The following VPS50 variants were observed in gnomAD, a reference collection of about 807,000 sequenced individuals.
VPS50 encodes the protein syndetin.
A neutral mutation model predicts 139.7 loss-of-function variants in VPS50; 70 were observed. The observed-to-expected ratio is 0.50, with a 90% CI of 0.41 to 0.61. VPS50 has a LOEUF of 0.61. VPS50 is among the 20% of genes least tolerant of loss of function. VPS50 has a pLI of 0.00. For synonymous variants in VPS50, 365 were observed against 376.7 expected, an observed-to-expected ratio of 0.97 and a Z score of 0.36; for missense variants, 921 against 1,133.7, an observed-to-expected ratio of 0.81 and a Z score of 2.69.
intron 12 of VPS50, among the ~76,000 whole-genome samples, chr7:93,287,031 T>A (rs1448033112): frequency 1.3e-5 from 2 of 151,436 alleles, no homozygotes; most frequent in Non-Finnish European, 2.9e-5. Context: ...TACCCCACCT[T>A]GCCTTTTTTC....
In VPS50 at chr7:93,359,361, T is replaced by C. The variant is rs887618550; in HGVS notation, c.*925T>C. 2 of 152,152 alleles carry C rather than the reference T, an allele frequency of 1.3e-5. No individual in the cohort carries two copies. The highest frequency in any genetic ancestry group is 4.8e-5 in the African/African-American group (2 of 41,438). The allele number at this position is 152,152 out of a possible 1,614,324, so 9.4% of individuals were successfully genotyped here. A position where few individuals can be genotyped will look rare whatever the true frequency, so the allele number is the denominator to read the frequency against. On this transcript the variant is annotated 3_prime_UTR_variant, in exon 28 of 28. Transcript: ENST00000305866. ...AAATGTACGGTCATATGTTCACTCT[T>C]CTTAAATATCCACCTTTTATAACAC...
chr7:93,253,750 C>T (rs1210503370), intron 3 of VPS50, 110 bp from the exon 4 acceptor site: 1 of 595,674 alleles, frequency 1.7e-6, no homozygotes, highest in South Asian at 2.5e-5. Flanking sequence ...TGGGATGTGA[C>T]ACTGTTTTGT....
In VPS50 at chr7:93,276,851, G is replaced by T. The variant is rs546526737; in HGVS notation, c.942+546G>T. On this transcript the variant is annotated intron_variant, in intron 12 of 27. Transcript: ENST00000305866. ...GAGGAAAAGAGAATGATGAATAATT[G>T]GGAGAATGGTAGTGCCATTTGCTTT... 2.6e-5 allele frequency among the ~76,000 whole-genome samples: 4 copies of T among 152,276 alleles called. No homozygotes were observed. The East Asian group carries it at 7.7e-4, about 29-fold the overall frequency.
intron 12 of VPS50, among the ~76,000 whole-genome samples, chr7:93,287,336 T>G (rs1481810404): frequency 6.6e-6 from 1 of 152,052 alleles, no homozygotes; most frequent in Non-Finnish European, 1.5e-5. Flanking sequence ...GAAAAAAAGA[T>G]TCACATAAAC....
chr7:93,253,476 G>C (rs550404838), intron 3 of VPS50, among the ~76,000 whole-genome samples: 3 of 152,176 alleles, frequency 2.0e-5, no homozygotes, highest in Non-Finnish European at 4.4e-5. Flanking sequence ...TAAACAAATA[G>C]AGATATATCT....
chr7:93,311,453 A>G (rs531025031), intron 20 of VPS50, among the ~76,000 whole-genome samples, 181 bp downstream of exon 20: 3 of 152,252 alleles, frequency 2.0e-5, no homozygotes, highest in African/African-American at 7.2e-5. Flanking sequence ...ACTAATAGTA[A>G]TGCCAGTTTT....
At chr7:93,351,636 A>T (rs1198809098) in intron 25 of VPS50, among the ~76,000 whole-genome samples, 1 of 152,162 alleles carries the variant, frequency 6.6e-6, no homozygotes, top group Non-Finnish European at 1.5e-5. Flanking sequence ...GGGCTCTTTT[A>T]TAAGGGTGTT....
At chr7:93,328,774 A>G (rs967212465) in intron 21 of VPS50, among the ~76,000 whole-genome samples, 6 of 152,168 alleles carry the variant, frequency 3.9e-5, no homozygotes, top group African/African-American at 1.4e-4. Flanking sequence ...GAGCTAGAAA[A>G]CTGGAAACAC....
intron 22 of VPS50, among the ~76,000 whole-genome samples, chr7:93,337,895 T>G (rs1346136289): frequency 6.6e-6 from 1 of 152,146 alleles, no homozygotes; most frequent in Non-Finnish European, 1.5e-5. Context: ...TAAGTTTGCC[T>G]GATAGAATGT....
intron 20 of VPS50, among the ~76,000 whole-genome samples, chr7:93,315,290 T>A (rs1284486743): frequency 6.6e-6 from 1 of 152,210 alleles, no homozygotes; most frequent in Admixed American, 6.5e-5. Context: ...AGTGCCACAA[T>A]TTATACATCT....
chr7:93,354,445 C>G (rs1798643287), intron 26 of VPS50, among the ~76,000 whole-genome samples: 2 of 152,010 alleles, frequency 1.3e-5, no homozygotes, highest in Non-Finnish European at 2.9e-5. Context: ...AGGTGTGTGC[C>G]ACCATGCCCA....
At chr7:93,358,244 C>T in intron 27 of VPS50, 73 bp from the exon 28 acceptor site, 8 of 1,374,424 alleles carry the variant, frequency 5.8e-6, no homozygotes, top group South Asian at 1.2e-5. Context: ...TGAATATCCG[C>T]CTGTTCTTTT....
chr7:93,342,266 C>T (rs976567012), intron 23 of VPS50, among the ~76,000 whole-genome samples: 10 of 152,194 alleles, frequency 6.6e-5, no homozygotes, highest in South Asian at 2.1e-4. Flanking sequence ...TGTGCTTTTC[C>T]GACGGGCTTA....
chr7:93,348,015 T>C (rs1414357407), intron 23 of VPS50, among the ~76,000 whole-genome samples: 2 of 152,096 alleles, frequency 1.3e-5, no homozygotes, highest in African/African-American at 2.4e-5. Context: ...GAATGCTTCC[T>C]GACCTTTATA....
intron 23 of VPS50, among the ~76,000 whole-genome samples, chr7:93,348,387 C>T (rs528004424): frequency 6.1e-4 from 93 of 152,228 alleles, no homozygotes; most frequent in African/African-American, 2.2e-3. Flanking sequence ...AAAAAATACC[C>T]TTGTGTTCTT....
At chr7:93,321,654 AT>A (rs1175371490) in intron 20 of VPS50, among the ~76,000 whole-genome samples, 5 of 152,098 alleles carry the variant, frequency 3.3e-5, no homozygotes, top group Admixed American at 2.0e-4. Flanking sequence ...AGGAACAGCT[AT>A]TTTTTTCTTC....
In VPS50 at chr7:93,349,971, G is replaced by A; in HGVS notation, c.2401G>A (p.Val801Met). ...YEQMLLLMAN[V>M]KWDVKEIMSQ... is the part of the protein sequence containing the mutation. ...ACAGATGCTGCTTCTCATGGCTAATGTGAAATGGGATGTAAAAGAAATTAT... is the reference window on the plus strand; with the variant it reads ...ACAGATGCTGCTTCTCATGGCTAATATGAAATGGGATGTAAAAGAAATTAT... Residue 801 changes from valine (V) to methionine (M), a missense_variant, in exon 25 of 28, where the codon GTG becomes ATG. Around this residue, in one of 3 missense-constraint regions of VPS50, gnomAD observed 19 missense variants for 46.8 expected, o/e 0.41. Coordinates refer to ENST00000305866, the MANE Select transcript of VPS50 (RefSeq NM_017667.4). 6.2e-7 allele frequency: 1 copy of A among 1,612,920 alleles called. No individual in the cohort carries two copies. Among genetic ancestry groups the A allele is most frequent in the Non-Finnish European group, 8.5e-7 (1 of 1,179,000 alleles).
chr7:93,347,855 C>G lies in VPS50; in HGVS notation c.2208-856C>G, dbSNP rs370021442. Among the ~76,000 whole-genome samples, 5 of 149,730 alleles carry G rather than the reference C, an allele frequency of 3.3e-5. No homozygotes were observed. In the South Asian group the frequency reaches 1.1e-3, roughly 32 times the overall value. On this transcript the variant is annotated intron_variant, in intron 23 of 27. Transcript: ENST00000305866. ...GTGGGGGGAGGGGGGAGGGATAGCA[C>G]TGGGAGATATACCTAATGCTAGATG... is the stretch of plus-strand genomic sequence containing the variant.
rs867960673 is a variant in VPS50 at position 93,326,180 on chromosome 7, A to C, written c.1977+2448A>C. Among the ~76,000 whole-genome samples the C allele has an allele frequency of 1.2e-3, 182 of 151,720 alleles. No homozygotes were observed. In the Middle Eastern group the frequency reaches 0.02, roughly 17 times the overall value. ...GATGAAATTGGAAATCATCATTCTC[A>C]GTAAACTATCACAAGGACAAAAAAC... is the stretch of plus-strand genomic sequence containing the variant. On this transcript the variant is annotated intron_variant, in intron 21 of 27. Coordinates refer to ENST00000305866, the MANE Select transcript of VPS50 (RefSeq NM_017667.4).
Sources: gnomAD v4.1 joint callset for allele counts (sites outside exome capture counted in the v4.1 genomes callset) on GRCh38, gnomAD v4.1.1 for gene constraint, gnomAD v4.1.1 regional missense constraint, MANE v1.5 for transcripts, NCBI Gene and HGNC (gene_info 2026-07-23, HGNC 2026-07-21) for gene names.